Variants in ABHD2 observed in about 807,000 individuals in gnomAD.
The protein encoded by ABHD2 is abhydrolase domain containing 2, acylglycerol lipase.
In ABHD2, 20 loss-of-function variants were observed where a neutral mutation model predicts 48.1. That is an observed-to-expected ratio of 0.42 (90% CI 0.29 to 0.60). The LOEUF is 0.60. Ranked by LOEUF, ABHD2 falls within the 20% of genes least tolerant of loss-of-function variation. The pLI is 0.24. For synonymous variants in ABHD2, 209 were observed against 214.2 expected, an observed-to-expected ratio of 0.98 and a Z score of 0.21; for missense variants, 405 against 550.9, an observed-to-expected ratio of 0.74 and a Z score of 2.65.
chr15:89,151,573 A>G lies in ABHD2; in HGVS notation c.195-104A>G. 1.5e-6 allele frequency: 2 copies of G among 1,317,926 alleles called. No individual in the cohort carries two copies. Among genetic ancestry groups the G allele is most frequent in the Non-Finnish European group, 2.1e-6 (2 of 954,242 alleles). 81.6% of individuals were successfully genotyped at this position (1,317,926 alleles called of 1,614,324 possible). On this transcript the variant is annotated intron_variant, in intron 3 of 10. Transcript: ENST00000352732. The surrounding 1 kb of genome is among the most constrained non-coding windows in gnomAD (Gnocchi z 4.7). ...CTCATGTTTATGCTTTGTGTGCAGA[A>G]TTTCCCTGGAACAAAAATAGGTTGA...
At chr15:89,089,229 T>C (rs1214790430) in intron 1 of ABHD2, among the ~76,000 whole-genome samples, 5 of 152,368 alleles carry the variant, frequency 3.3e-5, no homozygotes, top group Admixed American at 3.3e-4. Context: ...GACAGCCACC[T>C]GTGTCGGATG....
In ABHD2 at chr15:89,199,542, A is replaced by G. The variant is rs2051445453; in HGVS notation, c.*4119A>G. On this transcript the variant is annotated 3_prime_UTR_variant, in exon 11 of 11. Coordinates refer to ENST00000352732, the MANE Select transcript of ABHD2 (RefSeq NM_152924.5). The surrounding 1 kb of genome is among the most constrained non-coding windows in gnomAD (Gnocchi z 4.1). The stretch of plus-strand genomic sequence containing the variant: ...TTTGAAGCGAAGCTGCAGCAAAACC[A>G]GAGAATTTCCTCAAGTGGCCTGTAG... 6.6e-6 allele frequency: 1 copy of G among 152,648 alleles called. No individual in the cohort carries two copies. Among genetic ancestry groups the G allele is most frequent in the Non-Finnish European group, 1.5e-5 (1 of 68,050 alleles). The allele number at this position is 152,648 out of a possible 1,614,324, so 9.5% of individuals were successfully genotyped here.
intron 3 of ABHD2, among the ~76,000 whole-genome samples, chr15:89,133,033 T>A (rs1487737581): frequency 2.0e-5 from 3 of 152,226 alleles, no homozygotes; most frequent in Non-Finnish European, 4.4e-5. Context: ...ATCATTTCCT[T>A]CCTCTTACAT....
chr15:89,199,812 C>G lies in ABHD2; in HGVS notation c.*4389C>G, dbSNP rs729707. 1 of 151,108 alleles carries G rather than the reference C, an allele frequency of 6.6e-6. No individual in the cohort carries two copies. The highest frequency in any genetic ancestry group is 1.5e-5 in the Non-Finnish European group (1 of 67,842). The allele number at this position is 151,108 out of a possible 1,614,324, so 9.4% of individuals were successfully genotyped here. A position where few individuals can be genotyped will look rare whatever the true frequency, so the allele number is the denominator to read the frequency against. ...GTTATCTAAGCAGAGGGAAGTAAAC[C>G]TCTCACCGCCCCCCACCCCTCACTG... On this transcript the variant is annotated 3_prime_UTR_variant, in exon 11 of 11. Coordinates refer to ENST00000352732, the MANE Select transcript of ABHD2 (RefSeq NM_152924.5). This position sits in a 1 kb window ranked among gnomAD's most constrained non-coding sequence, Gnocchi z 4.1.
intron 3 of ABHD2, among the ~76,000 whole-genome samples, chr15:89,124,946 G>T (rs559252555): frequency 2.0e-5 from 3 of 152,118 alleles, no homozygotes; most frequent in Non-Finnish European, 4.4e-5. Context: ...AAAATTGGCC[G>T]GGCATGGTGG....
the ABHD2 span, among the ~76,000 whole-genome samples, chr15:89,048,074 G>C: frequency 7.2e-5 from 11 of 151,870 alleles, no homozygotes; most frequent in Admixed American, 6.6e-4. Context: ...TCCTTCAGGA[G>C]CTCTTTTAGG....
chr15:89,196,918 C>CTATATA lies in ABHD2; in HGVS notation c.*1498_*1499insATATAT. ...CTGCACTTTGAACAATCAGCTGTTG[C>CTATATA]TATCTGGAACTAAACAGAACTATGA... On this transcript the variant is annotated 3_prime_UTR_variant, in exon 11 of 11. Transcript: ENST00000352732. 6.5e-6 allele frequency: 1 copy of CTATATA among 152,756 alleles called. No individual in the cohort carries two copies. The highest frequency in any genetic ancestry group is 1.9e-4 in the East Asian group (1 of 5,180). The allele number at this position is 152,756 out of a possible 1,614,324, so 9.5% of individuals were successfully genotyped here.
the ABHD2 span, among the ~76,000 whole-genome samples, chr15:89,042,879 GCTGGCCTCAAGCTC>G: frequency 6.6e-6 from 1 of 151,746 alleles, no homozygotes; most frequent in Non-Finnish European, 1.5e-5. Flanking sequence ...TGTTGGCCAG[GCTGGCCTCAAGCTC>G]CTGGCCTCAA....
At chr15:89,108,879 G>A (rs570906826) in intron 1 of ABHD2, among the ~76,000 whole-genome samples, 16 of 152,324 alleles carry the variant, frequency 1.1e-4, no homozygotes, top group African/African-American at 3.6e-4. Context: ...GTTTTTTCCT[G>A]TGCTCTTTAG....
At chr15:89,110,428 T>C (rs574237916) in intron 1 of ABHD2, among the ~76,000 whole-genome samples, 62 of 152,204 alleles carry the variant, frequency 4.1e-4, no homozygotes, top group Admixed American at 7.9e-4. Context: ...GGAACAACTG[T>C]ACTTCATTCG....
rs1432339705 is a variant in ABHD2 at position 89,175,804 on chromosome 15, GC to G, written c.539-5del. On this transcript the variant is annotated splice_polypyrimidine_tract_variant and splice_region_variant and intron_variant, in intron 5 of 10. Transcript: ENST00000352732. The surrounding 1 kb of genome is among the most constrained non-coding windows in gnomAD (Gnocchi z 5.7). ...AATGATTGAGCAATCTCACCCTTTT[GC>G]CCACAGGCTGCACGTGGGAATTTGG... 1 of 1,613,700 alleles carries G rather than the reference GC, an allele frequency of 6.2e-7. No individual in the cohort carries two copies. Among genetic ancestry groups the G allele is most frequent in the Non-Finnish European group, 8.5e-7 (1 of 1,179,892 alleles).
the ABHD2 span, among the ~76,000 whole-genome samples, chr15:89,058,619 TC>T: frequency 1.8e-4 from 28 of 152,148 alleles, no homozygotes; most frequent in African/African-American, 6.7e-4. Context: ...CTTAACTCCC[TC>T]CATCCCTCAG....
chr15:89,075,600 C>T, the ABHD2 span, among the ~76,000 whole-genome samples: 1 of 152,102 alleles, frequency 6.6e-6, no homozygotes, highest in Non-Finnish European at 1.5e-5. This position sits in a 1 kb window ranked among gnomAD's most constrained non-coding sequence, Gnocchi z 4.1. Context: ...CCTCCTGTAC[C>T]TCCAGGAAGA....
intron 1 of ABHD2, among the ~76,000 whole-genome samples, chr15:89,089,392 A>G (rs1479688991): frequency 6.6e-6 from 1 of 152,232 alleles, no homozygotes; most frequent in African/African-American, 2.4e-5. Flanking sequence ...CCCATAATGA[A>G]TTTTGAGGTT....
At position 89,100,523 on chromosome 15, in the gene ABHD2, A is replaced by G. The variant is rs1362246918; in HGVS notation, c.-107+11960A>G. Among the ~76,000 whole-genome samples, 1 of 152,126 alleles carries G rather than the reference A, an allele frequency of 6.6e-6. No homozygotes were observed. Among genetic ancestry groups the G allele is most frequent in the East Asian group, 1.9e-4 (1 of 5,192 alleles). On this transcript the variant is annotated intron_variant, in intron 1 of 10. Coordinates refer to ENST00000352732, the MANE Select transcript of ABHD2 (RefSeq NM_152924.5). This position sits in a 1 kb window ranked among gnomAD's most constrained non-coding sequence, Gnocchi z 4.4. ...ATGTACATCTACAGAAAGCATCTCA[A>G]TGAAGCAGAAATCTTTGTAGAAATA...
In ABHD2 at chr15:89,182,235, T is replaced by A. The variant is rs2051126159; in HGVS notation, c.723-3189T>A. On this transcript the variant is annotated intron_variant, in intron 6 of 10. Transcript: ENST00000352732. The surrounding 1 kb of genome is among the most constrained non-coding windows in gnomAD (Gnocchi z 4.8). Reference sequence around the variant, plus strand: ...AGTTTTGCAACTTTCAGAAAGCATCTTTCCTTTTGGAGTCATCCTGGTTCT... The same window carrying A: ...AGTTTTGCAACTTTCAGAAAGCATCATTCCTTTTGGAGTCATCCTGGTTCT... 6.6e-6 allele frequency among the ~76,000 whole-genome samples: 1 copy of A among 152,218 alleles called. No homozygotes were observed. Among genetic ancestry groups the A allele is most frequent in the Admixed American group, 6.5e-5 (1 of 15,288 alleles).
the ABHD2 span, among the ~76,000 whole-genome samples, chr15:89,059,510 G>T: frequency 6.6e-6 from 1 of 152,126 alleles, no homozygotes; most frequent in Non-Finnish European, 1.5e-5. Flanking sequence ...TGAATTTCTT[G>T]TCACAATGTT....
Position 89,195,648 on chromosome 15 carries a change from G to C in ABHD2, c.*225G>C. The C allele has an allele frequency of 4.1e-6, 2 of 482,898 alleles. No homozygotes were observed. The highest frequency in any genetic ancestry group is 7.3e-6 in the Non-Finnish European group (2 of 273,466). The allele number at this position is 482,898 out of a possible 1,614,324, so 29.9% of individuals were successfully genotyped here. A position where few individuals can be genotyped will look rare whatever the true frequency, so the allele number is the denominator to read the frequency against. On this transcript the variant is annotated 3_prime_UTR_variant, in exon 11 of 11. Transcript: ENST00000352732. The surrounding 1 kb of genome is among the most constrained non-coding windows in gnomAD (Gnocchi z 5.1). ...TTTTCTCCATTGCATTGTTAGGCATGGTGACAAGTGACAGAGTTCTTGCCC... is the reference window on the plus strand; with the variant it reads ...TTTTCTCCATTGCATTGTTAGGCATCGTGACAAGTGACAGAGTTCTTGCCC...
Position 89,090,896 on chromosome 15 carries a change from A to C in ABHD2, c.-107+2333A>C, listed in dbSNP as rs376598875. Among the ~76,000 whole-genome samples, 14 of 152,330 alleles carry C rather than the reference A, an allele frequency of 9.2e-5. No homozygotes were observed. In the South Asian group the frequency reaches 2.5e-3, roughly 27 times the overall value. ...AGTTCAGGGATCATGTGTCAACTGC[A>C]TTTAAGGAAGTTACTTAGTCATTCG... On this transcript the variant is annotated intron_variant, in intron 1 of 10. Coordinates refer to ENST00000352732, the MANE Select transcript of ABHD2 (RefSeq NM_152924.5).
Sources: allele counts gnomAD v4.1 joint callset (sites outside exome capture counted in the v4.1 genomes callset), GRCh38; gene constraint gnomAD v4.1.1; non-coding constraint Gnocchi (gnomAD v3.1); transcripts MANE v1.5; gene names NCBI Gene and HGNC (gene_info 2026-07-23, HGNC 2026-07-21).